PDZD7: variants seen among roughly 807,000 people sequenced by gnomAD.
PDZD7 encodes PDZ domain-containing protein 7.
In PDZD7, 72 loss-of-function variants were observed where a neutral mutation model predicts 84.7. That is an observed-to-expected ratio of 0.85 (90% CI 0.70 to 1.03). The LOEUF (loss-of-function observed/expected upper bound fraction) is 1.03, where lower values mean the gene tolerates loss of function less well. Ranked by LOEUF, PDZD7 falls within the 50% of genes least tolerant of loss-of-function variation. The pLI is 0.00. For missense variants in PDZD7, 1,490 were observed against 1,412.9 expected, an observed-to-expected ratio of 1.05 and a Z score of -0.87; for synonymous variants, 594 against 580.7, an observed-to-expected ratio of 1.02 and a Z score of -0.33.
At chr10:101,024,137 A>G (rs1937585220) in intron 2 of PDZD7, 69 bp from the exon 3 acceptor site, 17 of 1,611,372 alleles carry the variant, frequency 1.1e-5, no homozygotes, top group Admixed American at 8.3e-5. Flanking sequence ...GGGTTCCCCA[A>G]CTTGGGGCCT....
At chr10:101,023,316 G>A (rs1016988702) in intron 4 of PDZD7, 120 bp downstream of exon 4, 4 of 1,252,274 alleles carry the variant, frequency 3.2e-6, no homozygotes, top group Middle Eastern at 2.6e-4. Flanking sequence ...GATCCCCTGC[G>A]TTTCCTGAGC....
intron 11 of PDZD7, among the ~76,000 whole-genome samples, chr10:101,014,304 G>A (rs1462301274): frequency 1.3e-5 from 2 of 152,146 alleles, no homozygotes; most frequent in Non-Finnish European, 2.9e-5. Flanking sequence ...CTCCATCGCA[G>A]AGGGTCTGAT....
Position 101,018,931 on chromosome 10 carries a change from G to C in PDZD7, c.1215C>G (p.Gly405=). The C allele has an allele frequency of 2.5e-6, 4 of 1,603,032 alleles. No individual in the cohort carries two copies. Among genetic ancestry groups the C allele is most frequent in the Non-Finnish European group, 3.4e-6 (4 of 1,175,548 alleles). Residue 405 remains glycine, a synonymous_variant, in exon 8 of 17, where the codon GGC becomes GGG. Coordinates refer to ENST00000619208, the MANE Select transcript of PDZD7 (RefSeq NM_001195263.2). ...CAGAGAGCGCAGAGTCAAGGCGGCG[G>C]CCGGGATGGGGGCCGTCCGAGCGGA... ...TAIRSDGPHP[G]RRLDSALSES...
chr10:101,015,490 G>T, intron 11 of PDZD7, 146 bp downstream of exon 11: 2 of 815,014 alleles, frequency 2.5e-6, no homozygotes, highest in Non-Finnish European at 3.7e-6. Context: ...GTGTGTGTGT[G>T]TGACAGGAGT....
chr10:101,014,300 C>T (rs1051077782), intron 11 of PDZD7, among the ~76,000 whole-genome samples: 4 of 152,210 alleles, frequency 2.6e-5, no homozygotes, highest in East Asian at 1.9e-4. Context: ...AGGGCTCCAT[C>T]GCAGAGGGTC....
chr10:101,018,194 C>T lies in PDZD7; in HGVS notation c.1427G>A (p.Arg476Gln), dbSNP rs1280166252. The T allele has an allele frequency of 1.2e-6, 2 of 1,614,128 alleles. No homozygotes were observed. The highest frequency in any genetic ancestry group is 1.3e-5 in the African/African-American group (1 of 74,940). ...TLMNLFFKGG[R>Q]QGRLARDGRR... ...CCCGTCCCGCGCTAGCCTCCCCTGC[C>T]GCCCTCCCTTGAAGAAGAGGTTCAT... The change falls in exon 9 of 17, where the codon CGG becomes CAG. Residue 476 changes from arginine to glutamine, a missense_variant. Coordinates refer to ENST00000619208, the MANE Select transcript of PDZD7 (RefSeq NM_001195263.2).
chr10:101,017,476 T>G, intron 9 of PDZD7: 1 of 587,468 alleles, frequency 1.7e-6, no homozygotes, highest in Non-Finnish European at 3.1e-6. Context: ...ATCTTGCTGC[T>G]TCAGCTTCCA....
chr10:101,017,701 G>A (rs1486957421), intron 9 of PDZD7: 4 of 676,244 alleles, frequency 5.9e-6, no homozygotes, highest in East Asian at 2.7e-5. Flanking sequence ...TGGGAGGATC[G>A]CTTGAGCGTG....
intron 2 of PDZD7, among the ~76,000 whole-genome samples, chr10:101,024,700 G>T (rs954164239): frequency 6.6e-6 from 1 of 150,988 alleles, no homozygotes; most frequent in Non-Finnish European, 1.5e-5. Context: ...AGCCCAGGAG[G>T]TCGAGGCTGC....
chr10:101,008,811 C>T lies in PDZD7; in HGVS notation c.2758G>A (p.Glu920Lys), dbSNP rs1564821489. Reference protein sequence around the residue: ...ELVAVDGENLEQVTHQRAVDT... With the variant: ...ELVAVDGENLKQVTHQRAVDT... ...ACTGCACGCTGGTGGGTCACCTGCT[C>T]TAGATTCTCTCCGTCCACTGCCACA... The change falls in exon 17 of 17, where the codon GAG becomes AAG. Residue 920 changes from glutamate to lysine, a missense_variant. Physicochemically the swap from Glu to Lys is moderately conservative, Grantham distance 56 (BLOSUM62 1). Coordinates refer to ENST00000619208, the MANE Select transcript of PDZD7 (RefSeq NM_001195263.2). 3 of 1,521,980 alleles carry T rather than the reference C, an allele frequency of 2.0e-6. No individual in the cohort carries two copies. The highest frequency in any genetic ancestry group is 2.6e-6 in the Non-Finnish European group (3 of 1,136,906). 94.3% of individuals were successfully genotyped at this position (1,521,980 alleles called of 1,614,324 possible).
rs1275191361 is a variant in PDZD7, at chr10:101,008,563, A to C, written c.3006T>G (p.Thr1002=). ...GAGTTGGCTGGAGGAGCCTGGCATC[A>C]GTGGGAGGAGTCTGGGGATTGGTGG... ...EPPTNPQTPP[T]DARLLQPTPS... Residue 1002 remains threonine (T), a synonymous_variant, in exon 17 of 17, where the codon ACT becomes ACG. Transcript: ENST00000619208. The C allele has an allele frequency of 6.5e-7, 1 of 1,535,654 alleles. No homozygotes were observed. Among genetic ancestry groups the C allele is most frequent in the African/African-American group, 1.4e-5 (1 of 72,886 alleles).
At chr10:101,016,477 A>C in intron 9 of PDZD7, 50 bp from the exon 10 acceptor site, 1 of 1,542,374 alleles carries the variant, frequency 6.5e-7, no homozygotes, top group South Asian at 1.2e-5. Flanking sequence ...CCAGTCTGAA[A>C]ATGGGGTTCA....
chr10:101,030,242 C>T lies in PDZD7; in HGVS notation c.-23G>A. 1 of 1,568,632 alleles carries T rather than the reference C, an allele frequency of 6.4e-7. No homozygotes were observed. The highest frequency in any genetic ancestry group is 1.7e-4 in the Middle Eastern group (1 of 6,006). The stretch of plus-strand genomic sequence containing the variant: ...CATGGCGGCTGGGCTAGGGCGGCAC[C>T]CTACAGGTCCAGAAGGAATCTGCTA... On this transcript the variant is annotated 5_prime_UTR_variant, in exon 2 of 17. Transcript: ENST00000619208.
intron 14 of PDZD7, 54 bp from the exon 15 acceptor site, chr10:101,010,937 G>A (rs1264417413): frequency 2.1e-6 from 3 of 1,462,012 alleles, no homozygotes; most frequent in Admixed American, 2.0e-5. Context: ...CAGGACCCAG[G>A]CCTTGCTTTG....
At position 101,018,133 on chromosome 10, in the gene PDZD7, C is replaced by T. The variant is rs1386362433; in HGVS notation, c.1488G>A (p.Leu496=). Residue 496 remains leucine, a synonymous_variant, in exon 9 of 17, where the codon CTG becomes CTA. Transcript: ENST00000619208. ...TGTCCAGGCGAGGGTAAGTTTTGGC[C>T]AGGCTCCCGCTGTCCAGTGTCCAGG... is the stretch of plus-strand genomic sequence containing the variant. ...REAWTLDSGS[L]AKTYPRLDIE... The T allele has an allele frequency of 6.2e-7, 1 of 1,614,210 alleles. No homozygotes were observed. The highest frequency in any genetic ancestry group is 1.1e-5 in the South Asian group (1 of 91,088).
intron 10 of PDZD7, among the ~76,000 whole-genome samples, chr10:101,016,175 T>A (rs1852616713): frequency 2.0e-5 from 3 of 152,166 alleles, no homozygotes. Context: ...TGCATCCCAA[T>A]ATCTGTCTGC....
intron 13 of PDZD7, 65 bp downstream of exon 13, chr10:101,011,860 C>T: frequency 6.5e-7 from 1 of 1,549,422 alleles, no homozygotes; most frequent in Non-Finnish European, 8.7e-7. Context: ...CCCTCTCCAC[C>T]ACGGGGTCCC....
intron 2 of PDZD7, among the ~76,000 whole-genome samples, chr10:101,029,136 A>T (rs1937895726): frequency 6.6e-6 from 1 of 152,224 alleles, no homozygotes; most frequent in Admixed American, 6.5e-5. Context: ...CGCACCTGGC[A>T]TTCTAGGTCC....
At chr10:101,018,563 T>C (rs368543922) in intron 8 of PDZD7, among the ~76,000 whole-genome samples, 7 of 152,228 alleles carry the variant, frequency 4.6e-5, no homozygotes, top group South Asian at 2.1e-4. Flanking sequence ...TGTGTGTAAA[T>C]AGGCCTGGGA....
Sources: gnomAD v4.1 joint callset for allele counts (sites outside exome capture counted in the v4.1 genomes callset) on GRCh38, gnomAD v4.1.1 for gene constraint, MANE v1.5 for transcripts, NCBI Gene and HGNC (gene_info 2026-07-23, HGNC 2026-07-21) for gene names.